Variants in LRP1 observed in about 807,000 individuals in gnomAD.
LRP1 encodes prolow-density lipoprotein receptor-related protein 1.
In LRP1, 51 loss-of-function variants were observed where a neutral mutation model predicts 541.5. The observed-to-expected ratio is 0.09, with a 90% CI of 0.08 to 0.12. The LOEUF (loss-of-function observed/expected upper bound fraction) is 0.12. Ranked by LOEUF, LRP1 falls within the 10% of genes least tolerant of loss-of-function variation. The pLI, the probability that LRP1 is intolerant of heterozygous loss-of-function variation, is 1.00. For missense variants in LRP1, 3,878 were observed against 6,376.2 expected (o/e 0.61, Z 13.34); for synonymous variants, 2,219 against 2,470.8 (o/e 0.90, Z 3.02).
Position 57,179,923 on chromosome 12 carries a change from A to G in LRP1, c.5108A>G (p.Gln1703Arg), listed in dbSNP as rs1304937450. ...FKNAVVQGLEQPHGLVVHPLR... is the reference protein window; with the variant it reads ...FKNAVVQGLERPHGLVVHPLR... Reference sequence around the variant, plus strand: ...AACGCAGTGGTGCAGGGCCTGGAGCAGCCCCATGGCCTTGTCGTCCACCCT... The same window carrying G: ...AACGCAGTGGTGCAGGGCCTGGAGCGGCCCCATGGCCTTGTCGTCCACCCT... Residue 1703 changes from glutamine (Q) to arginine (R), a missense_variant, in exon 30 of 89, where the codon CAG (glutamine) becomes CGG (arginine). Transcript: ENST00000243077. The surrounding 1 kb of genome is among the most constrained non-coding windows in gnomAD (Gnocchi z 6.8). 2 of 1,614,142 alleles carry G rather than the reference A, an allele frequency of 1.2e-6. No individual in the cohort carries two copies. Among genetic ancestry groups the G allele is most frequent in the Non-Finnish European group, 1.7e-6 (2 of 1,180,028 alleles).
At chr12:57,129,233 G>C (rs1209900864) in intron 1 of LRP1, 2 of 589,948 alleles carry the variant, frequency 3.4e-6, no homozygotes, top group East Asian at 5.6e-5. Flanking sequence ...ATGCTTCCGG[G>C]GCCCCCCAGC....
chr12:57,212,516 C>T lies in LRP1; in HGVS notation c.13596C>T (p.Gly4532=). 2 of 1,613,592 alleles carry T rather than the reference C, an allele frequency of 1.2e-6. No individual in the cohort carries two copies. The highest frequency in any genetic ancestry group is 8.5e-7 in the Non-Finnish European group (1 of 1,179,744). The stretch of plus-strand genomic sequence containing the variant: ...CGGACGAGAAGCGAGAACTCCTGGG[C>T]CGGGGCCCTGAGGACGAGATAGGGG... ...ASTDEKRELL[G]RGPEDEIGDP... Residue 4532 remains glycine, a synonymous_variant, in exon 89 of 89, where the codon GGC becomes GGT. Transcript: ENST00000243077. This position sits in a 1 kb window ranked among gnomAD's most constrained non-coding sequence, Gnocchi z 5.0.
At chr12:57,209,905 G>T (rs549475891) in intron 80 of LRP1, 37 bp downstream of exon 80, 1 of 1,607,286 alleles carries the variant, frequency 6.2e-7, no homozygotes, top group African/African-American at 1.3e-5. Context: ...GGGAAGGGAG[G>T]CCTGTGGGCA....
intron 11 of LRP1, among the ~76,000 whole-genome samples, chr12:57,159,402 G>A (rs2136679725): frequency 6.6e-6 from 1 of 152,364 alleles, no homozygotes; most frequent in African/African-American, 2.4e-5. Context: ...CACTTGGAGT[G>A]AAGGCTTTGG....
chr12:57,147,906 T>C (rs375582045), intron 6 of LRP1, among the ~76,000 whole-genome samples: 3 of 152,128 alleles, frequency 2.0e-5, no homozygotes, highest in African/African-American at 7.2e-5. Flanking sequence ...TCAGGCCCAG[T>C]GTTATCCCCC....
intron 83 of LRP1, 36 bp downstream of exon 83, chr12:57,210,915 G>C (rs1257728784): frequency 1.3e-6 from 2 of 1,592,744 alleles, no homozygotes; most frequent in African/African-American, 2.7e-5. Flanking sequence ...GGGCATGCGG[G>C]AGGGTGACGG....
At chr12:57,150,284 C>T (rs909811623) in intron 6 of LRP1, among the ~76,000 whole-genome samples, 2 of 147,834 alleles carry the variant, frequency 1.4e-5, no homozygotes, top group East Asian at 2.0e-4. Flanking sequence ...CTCTGCCTCC[C>T]GGGTTCACGC....
rs1307016261 is a variant in LRP1 at position 57,162,985 on chromosome 12, T to TATGA, written c.2530+3_2530+6dup. 6.3e-7 allele frequency: 1 copy of TATGA among 1,598,336 alleles called. No homozygotes were observed. Among genetic ancestry groups the TATGA allele is most frequent in the Non-Finnish European group, 8.5e-7 (1 of 1,175,524 alleles). Reference sequence around the variant, plus strand: ...ACGCAGACGGCGTCACTTGCTTGGGTATGAGGTGCCTGGCTGGGTGGGAGT... The same window carrying TATGA: ...ACGCAGACGGCGTCACTTGCTTGGGTATGAATGAGGTGCCTGGCTGGGTGGGAGT... On this transcript the variant is annotated splice_region_variant and intron_variant, in intron 15 of 88. Coordinates refer to ENST00000243077, the MANE Select transcript of LRP1 (RefSeq NM_002332.3). The surrounding 1 kb of genome is among the most constrained non-coding windows in gnomAD (Gnocchi z 5.2).
At position 57,185,509 on chromosome 12, in the gene LRP1, T is replaced by G; in HGVS notation, c.6464-22T>G. The G allele has an allele frequency of 6.4e-7, 1 of 1,566,562 alleles. No individual in the cohort carries two copies. The highest frequency in any genetic ancestry group is 1.7e-5 in the Admixed American group (1 of 57,508). On this transcript the variant is annotated intron_variant, in intron 40 of 88. Transcript: ENST00000243077. The surrounding 1 kb of genome is among the most constrained non-coding windows in gnomAD (Gnocchi z 4.9). The stretch of plus-strand genomic sequence containing the variant: ...GCCTTTCCCAAGGCAGGCCCTGCCC[T>G]CTGTACCCTCCCCTCCCCCAGGCAC...
In LRP1 at chr12:57,199,929, G is replaced by C; in HGVS notation, c.9918G>C (p.Leu3306=). The C allele has an allele frequency of 6.3e-7, 1 of 1,596,452 alleles. No individual in the cohort carries two copies. The stretch of plus-strand genomic sequence containing the variant: ...ATGGTGGCTGCAGCAACCTGTGCCT[G>C]CTGTCCCCCGGGGGAGGGCACAAAT... ...VNNGGCSNLC[L]LSPGGGHKCA... Residue 3306 remains leucine (L), a synonymous_variant, in exon 62 of 89, where the codon CTG becomes CTC. Transcript: ENST00000243077.
In LRP1 at chr12:57,204,556, C is replaced by A. The variant is rs747429065; in HGVS notation, c.11071+27C>A. ...TGAGATTTGGGGCGGGGCTCCCAGGCTTCCCAGTGGCCAGCAACCACCCCC... is the reference window on the plus strand; with the variant it reads ...TGAGATTTGGGGCGGGGCTCCCAGGATTCCCAGTGGCCAGCAACCACCCCC... On this transcript the variant is annotated intron_variant, in intron 71 of 88. Transcript: ENST00000243077. The surrounding 1 kb of genome is among the most constrained non-coding windows in gnomAD (Gnocchi z 5.3). 1.9e-6 allele frequency: 3 copies of A among 1,606,928 alleles called. No homozygotes were observed. In the South Asian group the frequency reaches 3.3e-5, roughly 18 times the overall value.
rs367986307 is a variant in LRP1 at position 57,191,548 on chromosome 12, G to A, written c.7429+36G>A. 3.2e-6 allele frequency: 5 copies of A among 1,549,374 alleles called. No individual in the cohort carries two copies. The African/African-American group carries it at 5.4e-5, about 17-fold the overall frequency. ...CTGCCGCCAGCTGCCTCACCCTCCT[G>A]CCTGTCGTGCATGGACATACAAACA... On this transcript the variant is annotated intron_variant, in intron 44 of 88. Transcript: ENST00000243077.
rs768385613 is a variant in LRP1 at position 57,201,857 on chromosome 12, G to A, written c.10546G>A (p.Gly3516Arg). The A allele has an allele frequency of 1.9e-6, 3 of 1,614,126 alleles. No individual in the cohort carries two copies. The highest frequency in any genetic ancestry group is 1.1e-5 in the South Asian group (1 of 91,074). Residue 3516 changes from glycine (G) to arginine (R), a missense_variant, in exon 67 of 89, where the codon GGA (glycine) becomes AGA (arginine). This residue lies in a region of LRP1 where 278 missense variants were observed against 536.3 expected (regional missense o/e 0.52). Coordinates refer to ENST00000243077, the MANE Select transcript of LRP1 (RefSeq NM_002332.3). This position sits in a 1 kb window ranked among gnomAD's most constrained non-coding sequence, Gnocchi z 6.4. ...RCIPARWKCD[G>R]EDDCGDGSDE... ...CATCCCAGCGCGTTGGAAGTGTGAC[G>A]GAGAGGATGACTGTGGGGATGGCTC...
chr12:57,200,082 C>T lies in LRP1; in HGVS notation c.10014+57C>T. Reference sequence around the variant, plus strand: ...GCCCGCTCCCCAACCCCCAAATCCTCCTTGGACCCCAACACCTGCTCTGTC... The same window carrying T: ...GCCCGCTCCCCAACCCCCAAATCCTTCTTGGACCCCAACACCTGCTCTGTC... On this transcript the variant is annotated intron_variant, in intron 62 of 88. Coordinates refer to ENST00000243077, the MANE Select transcript of LRP1 (RefSeq NM_002332.3). 2.8e-6 allele frequency: 4 copies of T among 1,448,242 alleles called. No homozygotes were observed. In the South Asian group the frequency reaches 3.8e-5, roughly 14 times the overall value. The allele number at this position is 1,448,242 out of a possible 1,614,324, so 89.7% of individuals were successfully genotyped here.
At chr12:57,207,569 C>A (rs547321512) in intron 76 of LRP1, among the ~76,000 whole-genome samples, 1 of 150,852 alleles carries the variant, frequency 6.6e-6, no homozygotes, top group Non-Finnish European at 1.5e-5. Flanking sequence ...AAGGGCAGTG[C>A]GAGGGGCAAA....
At chr12:57,207,288 A>G (rs1222076174) in intron 76 of LRP1, among the ~76,000 whole-genome samples, 1 of 107,052 alleles carries the variant, frequency 9.3e-6, no homozygotes, top group African/African-American at 3.4e-5. Flanking sequence ...ATAAATAGAG[A>G]CTCGGTCTCT....
intron 42 of LRP1, among the ~76,000 whole-genome samples, chr12:57,188,839 G>A (rs1228423213): frequency 2.0e-5 from 3 of 152,208 alleles, no homozygotes; most frequent in Non-Finnish European, 4.4e-5. Context: ...TTGAAGAGGC[G>A]GCATGTTAGC....
rs751980091 is a variant in LRP1, at chr12:57,206,642, C to T, written c.11760C>T (p.His3920=). The T allele has an allele frequency of 2.2e-5, 36 of 1,613,958 alleles. No individual in the cohort carries two copies. The highest frequency in any genetic ancestry group is 2.9e-5 in the Non-Finnish European group (34 of 1,180,040). ...GCCGTGTCTATTGGACCAACTGGCA[C>T]ACGGGCACCATCTCCTACCGCAGCC... is the stretch of plus-strand genomic sequence containing the variant. ...KAGRVYWTNW[H]TGTISYRSLP... The change falls in exon 76 of 89, where the codon CAC becomes CAT. Residue 3920 remains histidine, a synonymous_variant. Coordinates refer to ENST00000243077, the MANE Select transcript of LRP1 (RefSeq NM_002332.3). This position sits in a 1 kb window ranked among gnomAD's most constrained non-coding sequence, Gnocchi z 4.7.
Position 57,201,626 on chromosome 12 carries a change from TG to T in LRP1, c.10468+8del. On this transcript the variant is annotated splice_region_variant and intron_variant, in intron 66 of 88. Transcript: ENST00000243077. This position sits in a 1 kb window ranked among gnomAD's most constrained non-coding sequence, Gnocchi z 6.4. ...GATGAGCCCGCCAACTGCAGTGAGTTGCCTGGCCTGGAGCCCAGCTTCCCTC... is the reference window on the plus strand; with the variant it reads ...GATGAGCCCGCCAACTGCAGTGAGTTCCTGGCCTGGAGCCCAGCTTCCCTC... The T allele has an allele frequency of 6.2e-7, 1 of 1,610,082 alleles. No homozygotes were observed. The highest frequency in any genetic ancestry group is 1.1e-5 in the South Asian group (1 of 90,940).
Sources: allele counts gnomAD v4.1 joint callset (sites outside exome capture counted in the v4.1 genomes callset), GRCh38; gene constraint gnomAD v4.1.1; regional missense constraint gnomAD v4.1.1; non-coding constraint Gnocchi (gnomAD v3.1); transcripts MANE v1.5; gene names NCBI Gene and HGNC (gene_info 2026-07-23, HGNC 2026-07-21).